The following SYT1 variants were observed in gnomAD, a reference collection of about 807,000 sequenced individuals.
SYT1 encodes the protein synaptotagmin 1.
Under a neutral mutation model 44.8 loss-of-function variants are expected in SYT1, and 8 were observed. That is an observed-to-expected ratio of 0.18 (90% CI 0.10 to 0.32). The LOEUF is 0.32. Ranked by LOEUF, SYT1 falls within the 10% of genes least tolerant of loss-of-function variation. SYT1 has a pLI of 1.00. For missense variants in SYT1, 286 were observed against 509.3 expected, an observed-to-expected ratio of 0.56 and a Z score of 4.22; for synonymous variants, 154 against 188.8, an observed-to-expected ratio of 0.82 and a Z score of 1.51.
At chr12:79,338,526 A>C (rs1259316744) in intron 8 of SYT1, among the ~76,000 whole-genome samples, 2 of 150,050 alleles carry the variant, frequency 1.3e-5, no homozygotes, top group Non-Finnish European at 3.0e-5. Context: ...TCCCACCCTG[A>C]CCTCCCAACA....
intron 3 of SYT1, among the ~76,000 whole-genome samples, chr12:79,124,114 C>T (rs1002092234): frequency 1.3e-5 from 2 of 152,172 alleles, no homozygotes; most frequent in Non-Finnish European, 2.9e-5. Context: ...AAAAGAAAAA[C>T]CTCTTGCAAA....
At chr12:79,227,726 T>C (rs1875606247) in intron 4 of SYT1, among the ~76,000 whole-genome samples, 1 of 152,156 alleles carries the variant, frequency 6.6e-6, no homozygotes, top group East Asian at 1.9e-4. Context: ...AAAATGGGGA[T>C]GAAAATAATA....
At chr12:79,258,184 A>G (rs576456289) in intron 4 of SYT1, among the ~76,000 whole-genome samples, 17 of 152,362 alleles carry the variant, frequency 1.1e-4, no homozygotes, top group African/African-American at 2.6e-4. Flanking sequence ...TGGATTACAC[A>G]TTTAAGAATA....
intron 2 of SYT1, among the ~76,000 whole-genome samples, chr12:79,002,267 C>T (rs1264996975): frequency 2.6e-5 from 4 of 152,080 alleles, no homozygotes; most frequent in African/African-American, 4.8e-5. Context: ...ATGCAACATG[C>T]TCCCTCCCCA....
rs548516942 is a variant in SYT1 at position 78,880,368 on chromosome 12, A to G, written c.-217+15259A>G. 8.7e-4 allele frequency among the ~76,000 whole-genome samples: 132 copies of G among 151,738 alleles called. 1 individual carries two copies. Among genetic ancestry groups the G allele is most frequent in the African/African-American group, 3.0e-3 (124 of 41,460 alleles). ...TGTGGTCTTTCCTGACCAGTCTTGT[A>G]GTACATTTATATCTCCTCCCACTTC... On this transcript the variant is annotated intron_variant, in intron 1 of 10. Transcript: ENST00000261205.
chr12:79,129,641 G>A (rs572811230), intron 3 of SYT1, among the ~76,000 whole-genome samples: 2 of 152,184 alleles, frequency 1.3e-5, no homozygotes, highest in Non-Finnish European at 2.9e-5. Context: ...AAGTATGAGT[G>A]TCAGCAAAGA....
chr12:78,900,412 A>C (rs1490976826), intron 1 of SYT1, among the ~76,000 whole-genome samples: 1 of 152,120 alleles, frequency 6.6e-6, no homozygotes, highest in Non-Finnish European at 1.5e-5. Flanking sequence ...GAAAATAAGA[A>C]AGACCAGAAA....
intron 9 of SYT1, among the ~76,000 whole-genome samples, chr12:79,356,016 A>T (rs1883097436): frequency 6.6e-6 from 1 of 152,000 alleles, no homozygotes; most frequent in Admixed American, 6.5e-5. Flanking sequence ...GATAAGGAAT[A>T]TTGGGGATTC....
At chr12:79,362,413 C>T (rs1883352518) in intron 9 of SYT1, among the ~76,000 whole-genome samples, 1 of 152,072 alleles carries the variant, frequency 6.6e-6, no homozygotes, top group African/African-American at 2.4e-5. Flanking sequence ...ACCAAGTGAA[C>T]ATGTCTTTTT....
At chr12:78,928,511 CT>C (rs1877431357) in intron 1 of SYT1, among the ~76,000 whole-genome samples, 1 of 152,124 alleles carries the variant, frequency 6.6e-6, no homozygotes, top group Non-Finnish European at 1.5e-5. Flanking sequence ...CACTTTTTCC[CT>C]TAAAGGAAGC....
chr12:79,004,379 C>T (rs1870943098), intron 2 of SYT1, among the ~76,000 whole-genome samples: 1 of 151,722 alleles, frequency 6.6e-6, no homozygotes, highest in Admixed American at 6.6e-5. Context: ...GGATATGAAG[C>T]ACTGAGGACA....
chr12:79,305,199 G>A (rs549546749), intron 8 of SYT1, among the ~76,000 whole-genome samples: 1 of 152,232 alleles, frequency 6.6e-6, no homozygotes, highest in Non-Finnish European at 1.5e-5. Context: ...TCTCACTTTA[G>A]AGTTTCTAAA....
intron 8 of SYT1, among the ~76,000 whole-genome samples, chr12:79,317,401 C>T (rs371229957): frequency 5.9e-5 from 9 of 152,296 alleles, no homozygotes; most frequent in Non-Finnish European, 8.8e-5. Context: ...AAATGTCTCT[C>T]AAATCATTAA....
intron 2 of SYT1, among the ~76,000 whole-genome samples, chr12:79,019,646 A>C (rs912249828): frequency 6.6e-6 from 1 of 151,954 alleles, no homozygotes. Flanking sequence ...GGGAAAAATG[A>C]CATTGGACTG....
chr12:78,917,448 C>T (rs1246510783), intron 1 of SYT1, among the ~76,000 whole-genome samples: 1 of 151,946 alleles, frequency 6.6e-6, no homozygotes, highest in South Asian at 2.1e-4. Flanking sequence ...ACATCACACA[C>T]TGGGGCCTGT....
At chr12:79,382,072 C>T (rs974733811) in intron 9 of SYT1, among the ~76,000 whole-genome samples, 3 of 152,072 alleles carry the variant, frequency 2.0e-5, no homozygotes, top group African/African-American at 4.8e-5. Context: ...TTTTAGTCAA[C>T]GTGTTTTTCA....
At chr12:79,319,851 C>CAT (rs1226246620) in intron 8 of SYT1, among the ~76,000 whole-genome samples, 2 of 152,224 alleles carry the variant, frequency 1.3e-5, no homozygotes, top group Admixed American at 1.3e-4. Context: ...ATAATGTCTT[C>CAT]CATCTCTTTC....
chr12:79,153,713 G>C (rs1187639836), intron 3 of SYT1, among the ~76,000 whole-genome samples: 3 of 151,988 alleles, frequency 2.0e-5, no homozygotes, highest in Non-Finnish European at 4.4e-5. Context: ...TCATTCAATT[G>C]TCATCACTAT....
chr12:79,359,802 C>T (rs991204986), intron 9 of SYT1, among the ~76,000 whole-genome samples: 3 of 152,068 alleles, frequency 2.0e-5, no homozygotes, highest in Non-Finnish European at 2.9e-5. Context: ...TTGGGAAATG[C>T]AGCCAGATTT....
Sources: allele counts gnomAD v4.1 joint callset (sites outside exome capture counted in the v4.1 genomes callset), GRCh38; gene constraint gnomAD v4.1.1; transcripts MANE v1.5; gene names NCBI Gene and HGNC (gene_info 2026-07-23, HGNC 2026-07-21).